The following ME1 variants were observed in gnomAD, a reference collection of about 807,000 sequenced individuals.
ME1 encodes the protein NADP-dependent malic enzyme.
In ME1, 74 loss-of-function variants were observed where a neutral mutation model predicts 66.4. That is an observed-to-expected ratio of 1.11 (90% CI 0.92 to 1.35). The LOEUF (loss-of-function observed/expected upper bound fraction) is 1.35. ME1 is among the 40% of genes most tolerant of loss of function. ME1 has a pLI of 0.00. For synonymous variants in ME1, 251 were observed against 235.6 expected (o/e 1.07, Z -0.60); for missense variants, 750 against 694.1 (o/e 1.08, Z -0.90).
chr6:83,422,290 C>T (rs998019752), intron 1 of ME1, among the ~76,000 whole-genome samples: 1 of 152,104 alleles, frequency 6.6e-6, no homozygotes, highest in Non-Finnish European at 1.5e-5. Flanking sequence ...CTTTGAAAAC[C>T]AAATTGATAT....
intron 6 of ME1, among the ~76,000 whole-genome samples, chr6:83,289,072 A>G (rs1431987077): frequency 6.6e-6 from 1 of 152,222 alleles, no homozygotes; most frequent in East Asian, 1.9e-4. Flanking sequence ...GGTTTTCTAA[A>G]TATACAATCA....
chr6:83,285,700 G>C (rs910553403), intron 6 of ME1, among the ~76,000 whole-genome samples: 1 of 152,110 alleles, frequency 6.6e-6, no homozygotes, highest in African/African-American at 2.4e-5. Flanking sequence ...CCCTGAGGTG[G>C]GAGTGCACCT....
Position 83,346,309 on chromosome 6 carries a change from C to A in ME1, c.464G>T (p.Arg155Leu), listed in dbSNP as rs200396179. The A allele has an allele frequency of 3.6e-5, 58 of 1,609,734 alleles. No individual in the cohort carries two copies. The highest frequency in any genetic ancestry group is 4.6e-5 in the Non-Finnish European group (54 of 1,177,676). ...IKAIVVTDGE[R>L]ILGLGDLGCN... is the part of the protein sequence containing the mutation. ...GCCAAGGTCTCCCAAGCCAAGAATA[C>A]GCTCTCCATCAGTCACCACAATGGC... The change falls in exon 5 of 14, where the codon CGT (arginine) becomes CTT (leucine). Residue 155 changes from arginine (R) to leucine (L), a missense_variant. Transcript: ENST00000369705.
intron 5 of ME1, among the ~76,000 whole-genome samples, chr6:83,344,985 T>C (rs1000084432): frequency 6.6e-6 from 1 of 151,640 alleles, no homozygotes. Context: ...AAAGAAGAAA[T>C]ATATTTATTT....
At chr6:83,303,667 A>G (rs1411523327) in intron 6 of ME1, among the ~76,000 whole-genome samples, 1 of 150,378 alleles carries the variant, frequency 6.6e-6, no homozygotes, top group African/African-American at 2.5e-5. Context: ...TGAAACAACC[A>G]GTCCTGAATG....
At chr6:83,416,676 C>T (rs1770164992) in intron 1 of ME1, among the ~76,000 whole-genome samples, 2 of 152,028 alleles carry the variant, frequency 1.3e-5, no homozygotes, top group South Asian at 2.1e-4. Flanking sequence ...ATCGCTTGAG[C>T]TCAGGAGTGC....
intron 6 of ME1, among the ~76,000 whole-genome samples, chr6:83,262,424 T>C (rs10484794): frequency 0.04 from 6,102 of 152,296 alleles, 405 homozygotes; most frequent in African/African-American, 0.14. Flanking sequence ...AAACTTACAA[T>C]AGAGAATTAA....
intron 4 of ME1, among the ~76,000 whole-genome samples, chr6:83,347,401 T>A (rs1383551356): frequency 1.3e-5 from 2 of 152,204 alleles, no homozygotes; most frequent in African/African-American, 2.4e-5. Flanking sequence ...ACCAATCTTA[T>A]GAAACACAAT....
At chr6:83,287,511 C>T (rs905364785) in intron 6 of ME1, among the ~76,000 whole-genome samples, 1 of 152,130 alleles carries the variant, frequency 6.6e-6, no homozygotes, top group Non-Finnish European at 1.5e-5. Context: ...GCGTAGTATT[C>T]CAGAGTATAT....
chr6:83,417,803 T>C (rs1008470781), intron 1 of ME1, among the ~76,000 whole-genome samples: 2 of 152,254 alleles, frequency 1.3e-5, no homozygotes, highest in African/African-American at 4.8e-5. Context: ...TCTTGCTATA[T>C]GAGTCTTCAA....
intron 6 of ME1, among the ~76,000 whole-genome samples, chr6:83,271,699 A>G (rs1343370563): frequency 6.6e-6 from 1 of 152,202 alleles, no homozygotes; most frequent in Non-Finnish European, 1.5e-5. Flanking sequence ...ATACAGATTC[A>G]GAGCAATCTT....
At chr6:83,369,755 A>AT (rs896120517) in intron 3 of ME1, among the ~76,000 whole-genome samples, 4 of 152,038 alleles carry the variant, frequency 2.6e-5, no homozygotes, top group Admixed American at 6.6e-5. Context: ...ATAGAAAACG[A>AT]TTTTTTTATA....
chr6:83,226,320 T>C (rs2128523764), intron 11 of ME1, among the ~76,000 whole-genome samples: 1 of 152,282 alleles, frequency 6.6e-6, no homozygotes, highest in South Asian at 2.1e-4. Context: ...CTCTTAACCC[T>C]TGAGGCCTGT....
At chr6:83,405,709 TG>T (rs914415884) in intron 2 of ME1, among the ~76,000 whole-genome samples, 9 of 139,888 alleles carry the variant, frequency 6.4e-5, no homozygotes, top group East Asian at 2.0e-4. Context: ...GAGTTTTTTT[TG>T]TTGTTGTTGT....
At position 83,398,197 on chromosome 6, in the gene ME1, G is replaced by T. The variant is rs560714828; in HGVS notation, c.362+170C>A. Among the ~76,000 whole-genome samples, 7 of 152,210 alleles carry T rather than the reference G, an allele frequency of 4.6e-5. No homozygotes were observed. The South Asian group carries it at 1.5e-3, about 32-fold the overall frequency. ...AAATAATGCATATGCTAATTAGCTT[G>T]ATTCTACCATTTCACAATGTATACA... On this transcript the variant is annotated intron_variant, in intron 3 of 13. Transcript: ENST00000369705.
chr6:83,365,542 A>C (rs561731471), intron 3 of ME1, among the ~76,000 whole-genome samples: 1 of 152,364 alleles, frequency 6.6e-6, no homozygotes, highest in Admixed American at 6.5e-5. Flanking sequence ...AAACTAGTGT[A>C]AGGTATACAA....
intron 3 of ME1, among the ~76,000 whole-genome samples, chr6:83,362,961 A>T (rs1390167803): frequency 6.6e-6 from 1 of 152,222 alleles, no homozygotes; most frequent in Non-Finnish European, 1.5e-5. Context: ...TAGAATGGTG[A>T]AACGGCCTTT....
At chr6:83,312,922 G>A (rs996748629) in intron 6 of ME1, among the ~76,000 whole-genome samples, 19 of 151,982 alleles carry the variant, frequency 1.3e-4, no homozygotes, top group African/African-American at 4.6e-4. Context: ...CCTGGCTAAT[G>A]TTTTTGTATT....
intron 4 of ME1, among the ~76,000 whole-genome samples, chr6:83,348,838 A>C (rs1233158985): frequency 6.6e-6 from 1 of 151,620 alleles, no homozygotes; most frequent in Non-Finnish European, 1.5e-5. Context: ...AAACACAAAA[A>C]TTACCTGGGC....
Sources: allele counts gnomAD v4.1 joint callset (sites outside exome capture counted in the v4.1 genomes callset), GRCh38; gene constraint gnomAD v4.1.1; transcripts MANE v1.5; gene names NCBI Gene and HGNC (gene_info 2026-07-23, HGNC 2026-07-21).